Variants in TAS2R1 observed in about 807,000 individuals in gnomAD.
TAS2R1 encodes taste 2 receptor member 1, also known as taste receptor type 2 member 1.
For synonymous variants in TAS2R1, 141 were observed against 134.2 expected (o/e 1.05, Z -0.35); for missense variants, 370 against 353.4 (o/e 1.05, Z -0.38).
the TAS2R1 span, among the ~76,000 whole-genome samples, chr5:9,810,150 T>C: frequency 6.6e-6 from 1 of 152,354 alleles, no homozygotes; most frequent in Non-Finnish European, 1.5e-5. Context: ...AAGCTATATC[T>C]CACTTACTCT....
At chr5:9,875,696 G>A in the TAS2R1 span, among the ~76,000 whole-genome samples, 27 of 152,150 alleles carry the variant, frequency 1.8e-4, no homozygotes, top group African/African-American at 5.1e-4. Context: ...GGCTGCGCTC[G>A]AATGGGAGGA....
the TAS2R1 span, chr5:9,883,837 C>G: frequency 1.3e-5 from 2 of 152,124 alleles, no homozygotes; most frequent in Non-Finnish European, 2.9e-5. Context: ...TACAAATTTA[C>G]AATACTATCC....
chr5:9,737,355 C>A, the TAS2R1 span, among the ~76,000 whole-genome samples: 7 of 152,326 alleles, frequency 4.6e-5, no homozygotes, highest in African/African-American at 1.7e-4. Flanking sequence ...TGACCTTGGA[C>A]AAGTTATTTA....
chr5:9,719,581 T>C, the TAS2R1 span, among the ~76,000 whole-genome samples: 1 of 152,212 alleles, frequency 6.6e-6, no homozygotes, highest in Admixed American at 6.5e-5. Context: ...TTATTCATCT[T>C]GCTTGAGTCA....
chr5:9,698,957 T>C (rs1020937473), intron 1 of TAS2R1, among the ~76,000 whole-genome samples: 1 of 152,224 alleles, frequency 6.6e-6, no homozygotes, highest in Non-Finnish European at 1.5e-5. Context: ...AAAGTATATA[T>C]ATTGAAAATG....
the TAS2R1 span, among the ~76,000 whole-genome samples, chr5:9,813,261 G>C: frequency 1.1e-4 from 17 of 152,292 alleles, no homozygotes; most frequent in East Asian, 9.6e-4. Context: ...CCCTCAGAAA[G>C]AACCAACTGC....
At chr5:9,785,717 G>T in the TAS2R1 span, among the ~76,000 whole-genome samples, 2 of 152,110 alleles carry the variant, frequency 1.3e-5, no homozygotes, top group Admixed American at 6.5e-5. Flanking sequence ...CCAGCCCAAG[G>T]AGGTTAAAGT....
At chr5:9,896,202 A>AAC in the TAS2R1 span, among the ~76,000 whole-genome samples, 1 of 152,166 alleles carries the variant, frequency 6.6e-6, no homozygotes. Context: ...GTGACCACAA[A>AAC]ACACAGAGAA....
At chr5:9,687,806 C>A (rs557826728) in intron 1 of TAS2R1, among the ~76,000 whole-genome samples, 2 of 152,356 alleles carry the variant, frequency 1.3e-5, no homozygotes, top group Non-Finnish European at 2.9e-5. Flanking sequence ...TACCCCTCAG[C>A]TGAAATCTTC....
the TAS2R1 span, among the ~76,000 whole-genome samples, chr5:9,891,545 G>C: frequency 6.6e-6 from 1 of 152,022 alleles, no homozygotes; most frequent in Non-Finnish European, 1.5e-5. Flanking sequence ...AAGGTGGCTG[G>C]GGGAGGGCTC....
chr5:9,842,479 G>A, the TAS2R1 span, among the ~76,000 whole-genome samples: 1 of 151,644 alleles, frequency 6.6e-6, no homozygotes, highest in African/African-American at 2.4e-5. Flanking sequence ...CACCACCACG[G>A]CCGGCTAATT....
chr5:9,708,479 G>GCA (rs1418576039), intron 1 of TAS2R1, among the ~76,000 whole-genome samples: 1 of 152,126 alleles, frequency 6.6e-6, no homozygotes, highest in African/African-American at 2.4e-5. Context: ...TAAGGCAATG[G>GCA]ATTTTTGTCT....
At chr5:9,862,603 GA>G in the TAS2R1 span, among the ~76,000 whole-genome samples, 1 of 13,272 alleles carries the variant, frequency 7.5e-5, no homozygotes, top group Admixed American at 7.6e-4. Flanking sequence ...TTCGTTTTAT[GA>G]TTATTATTAT....
the TAS2R1 span, among the ~76,000 whole-genome samples, chr5:9,721,914 T>C: frequency 6.6e-6 from 1 of 152,206 alleles, no homozygotes; most frequent in Non-Finnish European, 1.5e-5. Context: ...CAGTCAAATA[T>C]TGACTAACTT....
chr5:9,733,409 C>A, the TAS2R1 span, among the ~76,000 whole-genome samples: 1 of 152,168 alleles, frequency 6.6e-6, no homozygotes, highest in Admixed American at 6.5e-5. Context: ...CTTTGTTGAG[C>A]CCTGGTGTCA....
At chr5:9,660,892 C>T (rs987999018) in intron 1 of TAS2R1, among the ~76,000 whole-genome samples, 6 of 152,128 alleles carry the variant, frequency 3.9e-5, no homozygotes, top group Non-Finnish European at 5.9e-5. Flanking sequence ...GTTATAGGAG[C>T]TCAGGGCAGC....
intron 1 of TAS2R1, among the ~76,000 whole-genome samples, chr5:9,677,194 G>T (rs1402124888): frequency 6.6e-6 from 1 of 152,142 alleles, no homozygotes; most frequent in African/African-American, 2.4e-5. Context: ...TTGTATGTGG[G>T]AGCTAAATGA....
chr5:9,825,980 G>C, the TAS2R1 span, among the ~76,000 whole-genome samples: 1 of 152,150 alleles, frequency 6.6e-6, no homozygotes, highest in Admixed American at 6.6e-5. Context: ...CCAAAATCCA[G>C]TGGGTTAGGG....
the TAS2R1 span, among the ~76,000 whole-genome samples, chr5:9,757,692 A>T: frequency 6.6e-6 from 1 of 152,204 alleles, no homozygotes; most frequent in African/African-American, 2.4e-5. Flanking sequence ...GCTTAAATTA[A>T]TATTAGTTCA....
Sources: allele counts gnomAD v4.1 joint callset (sites outside exome capture counted in the v4.1 genomes callset), GRCh38; gene constraint gnomAD v4.1.1; transcripts MANE v1.5; gene names NCBI Gene and HGNC (gene_info 2026-07-23, HGNC 2026-07-21).